Variants in TULP4 observed in about 807,000 individuals in gnomAD.
TULP4 encodes the protein tubby-related protein 4.
Under a neutral mutation model 129.0 loss-of-function variants are expected in TULP4, and 16 were observed. The observed-to-expected ratio is 0.12, with a 90% confidence interval of 0.08 to 0.19. TULP4 has a LOEUF of 0.19. Among genes scored for constraint, TULP4 ranks in the 10% least tolerant of loss-of-function variants. The pLI is 1.00. For missense variants in TULP4, 1,842 were observed against 2,059.1 expected (o/e 0.89, Z 2.04); for synonymous variants, 998 against 854.0 (o/e 1.17, Z -2.94).
At chr6:158,340,220 G>A (rs755362225) in intron 1 of TULP4, among the ~76,000 whole-genome samples, 20 of 152,170 alleles carry the variant, frequency 1.3e-4, no homozygotes, top group Non-Finnish European at 7.3e-5. Context: ...GGAAAGAAGT[G>A]TATCAGAATT....
At chr6:158,281,280 C>A (rs1778747699), upstream of TULP4, among the ~76,000 whole-genome samples, 1 of 150,220 alleles carries the variant, frequency 6.7e-6, no homozygotes, top group Non-Finnish European at 1.5e-5. Context: ...GTGGCACGAT[C>A]TCTGCTCACT....
chr6:158,309,710 G>A (rs9457338), upstream of TULP4, among the ~76,000 whole-genome samples: 125,209 of 146,242 alleles, frequency 0.86, 53,812 homozygotes, highest in Admixed American at 0.91. Context: ...CCAACACAGC[G>A]AAACCCCGTC....
At chr6:158,505,248 C>T (rs1780574209) in intron 13 of TULP4, among the ~76,000 whole-genome samples, 1 of 152,222 alleles carries the variant, frequency 6.6e-6, no homozygotes, top group Non-Finnish European at 1.5e-5. Context: ...AGTCCCTCCC[C>T]TCTCTACTTA....
At chr6:158,483,926 T>TG (rs1780006452) in intron 8 of TULP4, among the ~76,000 whole-genome samples, 1 of 151,416 alleles carries the variant, frequency 6.6e-6, no homozygotes, top group African/African-American at 2.4e-5. Context: ...CCCAGTAGTT[T>TG]TTTTTTTTTT....
Position 158,289,672 on chromosome 6 carries a change from C to T in TULP4, n.116+7294C>T, listed in dbSNP as rs141804367. On this transcript the variant is annotated intron_variant and non_coding_transcript_variant, in intron 1 of 1. Transcript: ENST00000432358. ...CATGGCTTACTTCAGCCTTGACCTC[C>T]TGGGCTCAAGTGATCCTCCTACTTC... is the stretch of plus-strand genomic sequence containing the variant. Among the ~76,000 whole-genome samples the T allele has an allele frequency of 6.6e-4, 100 of 152,266 alleles. 1 individual carries two copies. The highest frequency in any genetic ancestry group is 2.1e-3 in the African/African-American group (86 of 41,552).
In TULP4 at chr6:158,313,907, A is replaced by AAAAAGC. The variant is rs1304297944; in HGVS notation, c.-107_-102dup. ...CAGGTCAGTCTTAATTAAAGGGGGA[A>AAAAAGC]AAAAGCAACGCAAGCCAACCACAAA... On this transcript the variant is annotated 5_prime_UTR_variant, in exon 1 of 14. Transcript: ENST00000367097. The AAAAAGC allele has an allele frequency of 9.7e-6, 13 of 1,334,488 alleles. No homozygotes were observed. The highest frequency in any genetic ancestry group is 1.2e-5 in the Non-Finnish European group (12 of 991,864). 82.7% of individuals were successfully genotyped at this position (1,334,488 alleles called of 1,614,324 possible).
intron 5 of TULP4, 55 bp from the exon 6 acceptor site, chr6:158,461,508 G>A (rs1372718565): frequency 1.3e-6 from 2 of 1,559,542 alleles, no homozygotes; most frequent in East Asian, 4.5e-5. Flanking sequence ...GGCTTGCTGA[G>A]TGGCAGTTTG....
At chr6:158,365,213 A>G (rs932867770) in intron 1 of TULP4, among the ~76,000 whole-genome samples, 1 of 151,662 alleles carries the variant, frequency 6.6e-6, no homozygotes, top group Non-Finnish European at 1.5e-5. Flanking sequence ...TCTACCTGTT[A>G]TGTTACTTCA....
chr6:158,241,563 G>A (rs990104949), intron 1 of TULP4, among the ~76,000 whole-genome samples: 5 of 152,030 alleles, frequency 3.3e-5, no homozygotes, highest in Admixed American at 6.5e-5. Flanking sequence ...CCAATACAGC[G>A]AAACCCCGTC....
At chr6:158,296,669 T>G (rs1023853022) in intron 1 of TULP4, among the ~76,000 whole-genome samples, 1 of 151,376 alleles carries the variant, frequency 6.6e-6, no homozygotes, top group Non-Finnish European at 1.5e-5. Context: ...TTTCCCTAAG[T>G]GTCAGCCGGT....
At chr6:158,485,315 A>G (rs1176708363) in intron 8 of TULP4, among the ~76,000 whole-genome samples, 5 of 152,260 alleles carry the variant, frequency 3.3e-5, no homozygotes, top group Non-Finnish European at 7.3e-5. Flanking sequence ...ATTTAGATTT[A>G]GAAAATATTT....
Position 158,509,333 on chromosome 6 carries a change from ATTCTC to A in TULP4, c.*2644_*2648del, listed in dbSNP as rs1447435210. The A allele has an allele frequency of 2.0e-5, 3 of 151,950 alleles. No individual in the cohort carries two copies. The highest frequency in any genetic ancestry group is 2.1e-4 in the South Asian group (1 of 4,828). The allele number at this position is 151,950 out of a possible 1,614,324, so 9.4% of individuals were successfully genotyped here. On this transcript the variant is annotated 3_prime_UTR_variant, in exon 14 of 14. Transcript: ENST00000367097. ...TTTTTTGAGATAACACTCAAATAGT[ATTCTC>A]TTCTTTTGAAAATTTTATTTTTATC...
upstream of TULP4, among the ~76,000 whole-genome samples, chr6:158,277,977 T>C (rs376137925): frequency 1.3e-5 from 2 of 152,214 alleles, no homozygotes; most frequent in East Asian, 3.8e-4. Flanking sequence ...CCTGGAATTC[T>C]CTTGACTTCT....
At chr6:158,379,182 A>G (rs1306886012) in intron 1 of TULP4, among the ~76,000 whole-genome samples, 1 of 152,198 alleles carries the variant, frequency 6.6e-6, no homozygotes, top group African/African-American at 2.4e-5. Flanking sequence ...AGTGAATCAC[A>G]GTTGAGGTGT....
intron 1 of TULP4, among the ~76,000 whole-genome samples, chr6:158,359,413 A>G (rs1025444907): frequency 3.3e-5 from 5 of 152,214 alleles, no homozygotes; most frequent in Admixed American, 3.3e-4. Flanking sequence ...CACGATCACA[A>G]GGTGGGGTCT....
At chr6:158,274,055 C>T (rs1019489895) in intron 1 of TULP4, among the ~76,000 whole-genome samples, 6 of 151,784 alleles carry the variant, frequency 4.0e-5, no homozygotes, top group Admixed American at 6.6e-5. Context: ...GTCAGGAGTT[C>T]GAGACCAGCC....
At chr6:158,460,132 C>T (rs549479998) in intron 5 of TULP4, among the ~76,000 whole-genome samples, 40 of 152,292 alleles carry the variant, frequency 2.6e-4, no homozygotes, top group African/African-American at 8.4e-4. Context: ...GAGAAAGTCC[C>T]GTGTTCCCTG....
intron 1 of TULP4, among the ~76,000 whole-genome samples, chr6:158,295,743 T>C (rs1287612595): frequency 4.6e-5 from 7 of 152,056 alleles, no homozygotes; most frequent in African/African-American, 1.7e-4. Flanking sequence ...ACAAAAAAAT[T>C]AGCCGGGCCT....
At chr6:158,394,747 A>G (rs1306239554) in intron 1 of TULP4, among the ~76,000 whole-genome samples, 2 of 133,698 alleles carry the variant, frequency 1.5e-5, no homozygotes. Flanking sequence ...AGATTGTGCT[A>G]CTGCACTCCA....
Sources: allele counts gnomAD v4.1 joint callset (sites outside exome capture counted in the v4.1 genomes callset), GRCh38; gene constraint gnomAD v4.1.1; transcripts MANE v1.5; gene names NCBI Gene and HGNC (gene_info 2026-07-23, HGNC 2026-07-21).